SNRPN: variants seen among roughly 807,000 people sequenced by gnomAD.
SNRPN encodes the protein small nuclear ribonucleoprotein-associated protein N.
SNRPN carries 7 observed loss-of-function variants against 25.2 expected under a neutral mutation model. That is an observed-to-expected ratio of 0.28 (90% CI 0.16 to 0.52). The LOEUF is 0.52. Among genes scored for constraint, SNRPN ranks in the 20% least tolerant of loss-of-function variants. SNRPN has a pLI of 0.96. For synonymous variants in SNRPN, 124 were observed against 110.6 expected, an observed-to-expected ratio of 1.12 and a Z score of -0.76; for missense variants, 196 against 322.5, an observed-to-expected ratio of 0.61 and a Z score of 3.00.
At position 24,962,117 on chromosome 15, in the gene SNRPN, T is replaced by C; in HGVS notation, c.-387T>C. The C allele has an allele frequency of 6.2e-7, 1 of 1,614,080 alleles. No homozygotes were observed. The highest frequency in any genetic ancestry group is 8.5e-7 in the Non-Finnish European group (1 of 1,179,954). ...ATGCCTCTCTTTTCTGTTTCAGGGA[T>C]CGCTTACACCTGAGACGAACTACAG... On this transcript the variant is annotated 5_prime_UTR_variant, in exon 2 of 10. Transcript: ENST00000390687.
intron 3 of SNRPN, among the ~76,000 whole-genome samples, chr15:24,972,590 C>T (rs1413555510): frequency 6.9e-6 from 1 of 144,980 alleles, no homozygotes; most frequent in African/African-American, 2.6e-5. Context: ...GCTGCCCAGG[C>T]TGGAGTGCAA....
chr15:24,898,136 T>A (rs952531950), intron 2 of SNRPN, among the ~76,000 whole-genome samples: 1 of 152,034 alleles, frequency 6.6e-6, no homozygotes, highest in African/African-American at 2.4e-5. Context: ...CTGACATGTA[T>A]GAATCTTGTG....
chr15:24,946,485 G>A (rs770447663), intron 3 of SNRPN, among the ~76,000 whole-genome samples: 14 of 152,076 alleles, frequency 9.2e-5, no homozygotes, highest in African/African-American at 2.4e-4. Context: ...TTTTTGAGAC[G>A]AAGTCTTGGA....
intron 2 of SNRPN, among the ~76,000 whole-genome samples, chr15:24,964,591 C>A (rs1003115545): frequency 6.6e-6 from 1 of 152,172 alleles, no homozygotes; most frequent in Non-Finnish European, 1.5e-5. Context: ...AGCCACTGCG[C>A]CCAGCCTCTC....
chr15:24,974,352 T>C lies in SNRPN; in HGVS notation c.-102T>C, dbSNP rs2076819385. ...GAAGCTTCTGCCCAGCTTGCATTGT[T>C]TCTAGGAGAACCTGCGTCATACCTT... On this transcript the variant is annotated 5_prime_UTR_variant, in exon 4 of 10. Transcript: ENST00000390687. The C allele has an allele frequency of 9.1e-7, 1 of 1,094,740 alleles. No individual in the cohort carries two copies. The allele number at this position is 1,094,740 out of a possible 1,614,324, so 67.8% of individuals were successfully genotyped here.
At chr15:24,875,711 G>C (rs1269617367) in intron 1 of SNRPN, among the ~76,000 whole-genome samples, 1 of 152,136 alleles carries the variant, frequency 6.6e-6, no homozygotes, top group Non-Finnish European at 1.5e-5. Flanking sequence ...TTGAGCCCAG[G>C]AGTTTGAGAA....
At chr15:24,952,712 T>C (rs1012804338), upstream of SNRPN, among the ~76,000 whole-genome samples, 1 of 151,204 alleles carries the variant, frequency 6.6e-6, no homozygotes, top group African/African-American at 2.4e-5. Context: ...TAAGTGCGAG[T>C]TGAGAATTGA....
intron 2 of SNRPN, chr15:24,967,126 G>C (rs2075755736): frequency 6.6e-6 from 1 of 152,152 alleles, no homozygotes; most frequent in Non-Finnish European, 1.5e-5. Flanking sequence ...TGGGGAGAAA[G>C]GATTGTTCAC....
Position 24,977,803 on chromosome 15 carries a change from C to G in SNRPN, c.446C>G (p.Thr149Ser). ...QQVMTPQGRG[T>S]VAAAAVAATA... is the part of the protein sequence containing the mutation. Reference sequence around the variant, plus strand: ...GTAATGACTCCACAGGGAAGAGGCACTGTAGCAGCTGCTGCTGTTGCTGCG... The same window carrying G: ...GTAATGACTCCACAGGGAAGAGGCAGTGTAGCAGCTGCTGCTGTTGCTGCG... The change falls in exon 8 of 10, where the codon ACT becomes AGT. Residue 149 changes from threonine (T) to serine (S), a missense_variant. Coordinates refer to ENST00000390687, the MANE Select transcript of SNRPN (RefSeq NM_003097.6). 2.5e-6 allele frequency: 4 copies of G among 1,613,008 alleles called. No individual in the cohort carries two copies. The highest frequency in any genetic ancestry group is 3.4e-6 in the Non-Finnish European group (4 of 1,179,420).
At chr15:24,862,921 G>T (rs1173041316) in intron 1 of SNRPN, among the ~76,000 whole-genome samples, 4 of 150,776 alleles carry the variant, frequency 2.7e-5, no homozygotes, top group Non-Finnish European at 5.9e-5. Flanking sequence ...ATATGAGGAG[G>T]CAGGAGCAGG....
Position 24,939,701 on chromosome 15 carries a change from G to C in SNRPN, c.-391+19577G>C, listed in dbSNP as rs898188548. On this transcript the variant is annotated intron_variant, in intron 3 of 11. Transcript: ENST00000400097. ...ACCCACCTCGGCCTCCCAAAGTACT[G>C]GGATTACAGGCGTGAGCCGCTGCAC... Among the ~76,000 whole-genome samples, 6 of 151,450 alleles carry C rather than the reference G, an allele frequency of 4.0e-5. No individual in the cohort carries two copies. In the South Asian group the frequency reaches 1.2e-3, roughly 32 times the overall value.
intron 2 of SNRPN, among the ~76,000 whole-genome samples, chr15:24,837,186 A>C (rs987324795): frequency 6.6e-6 from 1 of 152,008 alleles, no homozygotes; most frequent in Admixed American, 6.6e-5. Context: ...AAAGATGTCC[A>C]AAGGTAACTC....
At chr15:24,914,897 G>A (rs2059422901) in intron 2 of SNRPN, among the ~76,000 whole-genome samples, 1 of 152,032 alleles carries the variant, frequency 6.6e-6, no homozygotes, top group African/African-American at 2.4e-5. Context: ...TGGGAAAAAG[G>A]GACGTTATAA....
At chr15:24,953,708 T>C (rs2062464277), upstream of SNRPN, among the ~76,000 whole-genome samples, 1 of 152,224 alleles carries the variant, frequency 6.6e-6, no homozygotes. Flanking sequence ...CTATTAGAAA[T>C]TGCAATGTTT....
chr15:24,854,016 CTCATTTATTTATA>C (rs1374524721), upstream of SNRPN, among the ~76,000 whole-genome samples: 1 of 152,154 alleles, frequency 6.6e-6, no homozygotes, highest in Non-Finnish European at 1.5e-5. Flanking sequence ...TATTTTTTCA[CTCATTTATTTATA>C]TCAATATGCA....
intron 1 of SNRPN, among the ~76,000 whole-genome samples, chr15:24,883,032 AAAAC>A (rs2056874469): frequency 1.3e-5 from 2 of 152,182 alleles, no homozygotes; most frequent in South Asian, 4.1e-4. Context: ...CTGGAAGTGA[AAAAC>A]AATGGTTGTG....
At chr15:24,936,216 A>G (rs1011134589) in intron 3 of SNRPN, among the ~76,000 whole-genome samples, 4 of 152,298 alleles carry the variant, frequency 2.6e-5, no homozygotes, top group Admixed American at 2.0e-4. Context: ...GCCAAAAGAT[A>G]CTTCTTTATA....
upstream of SNRPN, among the ~76,000 whole-genome samples, chr15:24,950,884 C>T (rs539987394): frequency 5.5e-4 from 82 of 148,188 alleles, no homozygotes; most frequent in African/African-American, 1.9e-3. Flanking sequence ...AAATTTGAAA[C>T]GGAGTCCTGC....
At chr15:24,921,367 G>A (rs1023127266) in intron 3 of SNRPN, 2 of 152,184 alleles carry the variant, frequency 1.3e-5, no homozygotes, top group Admixed American at 1.3e-4. Flanking sequence ...CTCAGAAACT[G>A]TTCCTGCAGA....
Sources: allele counts gnomAD v4.1 joint callset (sites outside exome capture counted in the v4.1 genomes callset), GRCh38; gene constraint gnomAD v4.1.1; transcripts MANE v1.5; gene names NCBI Gene and HGNC (gene_info 2026-07-23, HGNC 2026-07-21).